Variants in GPR174 observed in about 807,000 individuals in gnomAD.
GPR174 encodes G protein-coupled receptor 174.
In GPR174, 8 loss-of-function variants were observed where a neutral mutation model predicts 16.5. The ratio of observed to expected loss-of-function variants is 0.48; its 90% CI spans 0.28 to 0.87. GPR174 has a LOEUF of 0.87. Among genes scored for constraint, GPR174 ranks in the 40% least tolerant of loss-of-function variants. GPR174 has a pLI of 0.09. For missense variants in GPR174, 214 were observed against 247.5 expected (o/e 0.86, Z 0.91); for synonymous variants, 111 against 94.8 (o/e 1.17, Z -0.99).
rs770465117 is a variant in GPR174, at chrX:79,171,024, C to T, written c.17C>T (p.Thr6Met). The change falls in exon 3 of 3, where the codon ACG becomes ATG. Residue 6 changes from threonine (T) to methionine (M), a missense_variant. Physicochemically the swap from Thr to Met is moderately conservative, Grantham distance 81 (BLOSUM62 -1). Transcript: ENST00000645147. Reference sequence around the variant, plus strand: ...GAGAGAATCATGCCTGCTAATTACACGTGTACCAGGCCAGATGGAGACAAT... The same window carrying T: ...GAGAGAATCATGCCTGCTAATTACATGTGTACCAGGCCAGATGGAGACAAT... The part of the protein sequence containing the change: MPANY[T>M]CTRPDGDNTD... 12 of 1,194,944 alleles carry T rather than the reference C, an allele frequency of 1.0e-5. No individual in the cohort carries two copies. Among genetic ancestry groups the T allele is most frequent in the South Asian group, 7.4e-5 (4 of 53,830 alleles).
intron 2 of GPR174, among the ~76,000 whole-genome samples, chrX:79,168,988 G>C (rs2147459806): frequency 9.0e-6 from 1 of 111,096 alleles, no homozygotes; most frequent in East Asian, 2.8e-4. Flanking sequence ...TGAAACATAA[G>C]TACAACTAAG....
At chrX:79,154,118 C>T (rs1053064396) in intron 1 of GPR174, among the ~76,000 whole-genome samples, 2 of 111,361 alleles carry the variant, frequency 1.8e-5, no homozygotes, top group African/African-American at 3.3e-5. Flanking sequence ...ATTAAATATG[C>T]GCTGACTGAG....
chrX:79,145,890 T>C (rs1288689269), intron 1 of GPR174, among the ~76,000 whole-genome samples: 2 of 111,696 alleles, frequency 1.8e-5, no homozygotes, highest in Non-Finnish European at 3.8e-5. Context: ...AGTTGCTCTG[T>C]TTTTCATAGA....
At chrX:79,154,341 G>A (rs963974561) in intron 1 of GPR174, among the ~76,000 whole-genome samples, 1 of 111,929 alleles carries the variant, frequency 8.9e-6, no homozygotes, top group African/African-American at 3.2e-5. Context: ...CTATCTTCTA[G>A]TTCTCTCTCA....
At chrX:79,163,237 A>T (rs1057112681) in intron 2 of GPR174, among the ~76,000 whole-genome samples, 1 of 112,413 alleles carries the variant, frequency 8.9e-6, no homozygotes, top group African/African-American at 3.2e-5. Flanking sequence ...AAGTCTTTCT[A>T]TTTAACGTAT....
intron 2 of GPR174, among the ~76,000 whole-genome samples, chrX:79,162,821 C>T (rs1921267717): frequency 1.8e-5 from 2 of 111,570 alleles, no homozygotes; most frequent in African/African-American, 3.3e-5. Context: ...GTACATGCAA[C>T]ATGCTATGGG....
At chrX:79,148,363 A>C (rs1926540890) in intron 1 of GPR174, among the ~76,000 whole-genome samples, 1 of 112,182 alleles carries the variant, frequency 8.9e-6, no homozygotes, top group South Asian at 3.7e-4. Context: ...CACACTACTT[A>C]GGGCAGAAAA....
intron 1 of GPR174, among the ~76,000 whole-genome samples, chrX:79,151,784 T>C (rs1172063891): frequency 8.9e-6 from 1 of 111,980 alleles, no homozygotes; most frequent in Non-Finnish European, 1.9e-5. Context: ...ATGTGTTTAC[T>C]GTTTCTACAA....
intron 2 of GPR174, among the ~76,000 whole-genome samples, chrX:79,165,839 AG>A (rs985317556): frequency 1.8e-5 from 2 of 111,509 alleles, no homozygotes; most frequent in Non-Finnish European, 3.8e-5. Context: ...AAAAAGTGAA[AG>A]GGGCCAGAAG....
intron 1 of GPR174, among the ~76,000 whole-genome samples, chrX:79,151,035 A>T (rs1926591258): frequency 9.1e-6 from 1 of 110,497 alleles, no homozygotes; most frequent in Admixed American, 9.7e-5. Context: ...TAGAGCTTAT[A>T]CTCTATTCTA....
At position 79,174,970 on chromosome X, in the gene GPR174, G is replaced by A. The variant is rs769027738; in HGVS notation, c.*2961G>A. ...TTGTTGAATTTTGATTCAAAAATGC[G>A]TAAGTATTCCAATAAGAAAAACTTT... On this transcript the variant is annotated 3_prime_UTR_variant, in exon 3 of 3. Transcript: ENST00000645147. The A allele has an allele frequency of 1.8e-4, 20 of 111,901 alleles. No individual in the cohort carries two copies. Among genetic ancestry groups the A allele is most frequent in the East Asian group, 5.6e-4 (2 of 3,602 alleles). 9.2% of individuals were successfully genotyped at this position (111,901 alleles called of 1,213,427 possible).
chrX:79,166,440 T>TTC (rs1921369686), intron 2 of GPR174, among the ~76,000 whole-genome samples: 2 of 73,453 alleles, frequency 2.7e-5, no homozygotes, highest in Non-Finnish European at 5.1e-5. Context: ...TTCTTTTTTT[T>TTC]TTTTTTTTTT....
chrX:79,166,179 A>G (rs1350571321), intron 2 of GPR174, among the ~76,000 whole-genome samples: 1 of 112,067 alleles, frequency 8.9e-6, no homozygotes, highest in Non-Finnish European at 1.9e-5. Flanking sequence ...TGCTAAAAAC[A>G]GAAGACACTG....
intron 1 of GPR174, among the ~76,000 whole-genome samples, chrX:79,146,609 G>C (rs1013269334): frequency 1.8e-5 from 2 of 112,301 alleles, no homozygotes; most frequent in African/African-American, 6.5e-5. Flanking sequence ...GTACTGCTTT[G>C]CTTTGTTATA....
At position 79,170,636 on chromosome X, in the gene GPR174, C is replaced by T. The variant is rs1431420142; in HGVS notation, c.-372C>T. Reference sequence around the variant, plus strand: ...CAGACACCTGTAAAGAGAAGGCTATCGTCATATAGGAATTTGAGGAACTGC... The same window carrying T: ...CAGACACCTGTAAAGAGAAGGCTATTGTCATATAGGAATTTGAGGAACTGC... On this transcript the variant is annotated 5_prime_UTR_variant, in exon 3 of 3. Transcript: ENST00000645147. 2 of 145,030 alleles carry T rather than the reference C, an allele frequency of 1.4e-5. No homozygotes were observed. Among genetic ancestry groups the T allele is most frequent in the Non-Finnish European group, 2.7e-5 (2 of 74,882 alleles). The allele number at this position is 145,030 out of a possible 1,213,427, so 12.0% of individuals were successfully genotyped here.
intron 1 of GPR174, among the ~76,000 whole-genome samples, chrX:79,147,520 A>AAAG (rs397957861): frequency 1.9e-5 from 2 of 104,746 alleles, no homozygotes; most frequent in Non-Finnish European, 3.9e-5. Context: ...AAAAAAAAAA[A>AAAG]CCCAAAGTGC....
chrX:79,166,165 A>G (rs1209322730), intron 2 of GPR174, among the ~76,000 whole-genome samples: 1 of 112,043 alleles, frequency 8.9e-6, no homozygotes, highest in Non-Finnish European at 1.9e-5. Context: ...ACACACACCT[A>G]GAGTGCTAAA....
rs372247412 is a variant in GPR174 at position 79,171,404 on chromosome X, T to C, written c.397T>C (p.Tyr133His). 7.4e-6 allele frequency: 9 copies of C among 1,210,022 alleles called. No homozygotes were observed. The African/African-American group carries it at 1.4e-4, about 19-fold the overall frequency. ...TCGCTTCCATGACTGCAAACAGAAA[T>C]ATGACCTGTACATCAGCATTGCTGG... Reference protein sequence around the residue: ...PFRFHDCKQKYDLYISIAGWL... With the variant: ...PFRFHDCKQKHDLYISIAGWL... The change falls in exon 3 of 3, where the codon TAT becomes CAT. Residue 133 changes from tyrosine to histidine, a missense_variant. Transcript: ENST00000645147.
At chrX:79,166,143 A>G (rs1645942050) in intron 2 of GPR174, among the ~76,000 whole-genome samples, 1 of 111,969 alleles carries the variant, frequency 8.9e-6, no homozygotes, top group South Asian at 3.7e-4. Flanking sequence ...CTTGTCTCTT[A>G]AGAGTTGGAG....
Sources: gnomAD v4.1 joint callset for allele counts (sites outside exome capture counted in the v4.1 genomes callset) on GRCh38, gnomAD v4.1.1 for gene constraint, MANE v1.5 for transcripts, NCBI Gene and HGNC (gene_info 2026-07-23, HGNC 2026-07-21) for gene names.